Variants in TMEM150C observed in about 807,000 individuals in gnomAD.
The protein encoded by TMEM150C is transmembrane protein 150C, also known as tentonin 3.
In TMEM150C, 10 loss-of-function variants were observed where a neutral mutation model predicts 29.9. The observed-to-expected ratio is 0.33, with a 90% CI of 0.21 to 0.57. The LOEUF (loss-of-function observed/expected upper bound fraction) is 0.57, where lower values mean the gene tolerates loss of function less well. Ranked by LOEUF, TMEM150C falls within the 20% of genes least tolerant of loss-of-function variation. The pLI, the probability that TMEM150C is intolerant of heterozygous loss-of-function variation, is 0.88. For synonymous variants in TMEM150C, 101 were observed against 112.5 expected (o/e 0.90, Z 0.64); for missense variants, 251 against 303.6 (o/e 0.83, Z 1.29).
At chr4:82,499,173 A>G in intron 5 of TMEM150C, among the ~76,000 whole-genome samples, 1 of 152,198 alleles carries the variant, frequency 6.6e-6, no homozygotes, top group Non-Finnish European at 1.5e-5. Context: ...TCCATTTTCA[A>G]CCAAGTAGTG....
At chr4:82,556,463 A>T (rs139767388) in intron 1 of TMEM150C, among the ~76,000 whole-genome samples, 2,472 of 152,264 alleles carry the variant, frequency 0.016, 81 homozygotes, top group African/African-American at 0.057. Flanking sequence ...TGATTTTATG[A>T]CCCAAGACAT....
intron 1 of TMEM150C, among the ~76,000 whole-genome samples, chr4:82,530,734 G>A (rs889288576): frequency 6.6e-6 from 1 of 152,148 alleles, no homozygotes; most frequent in African/African-American, 2.4e-5. Flanking sequence ...ACCAGAGGCT[G>A]AGTAATTTAT....
At chr4:82,520,627 T>C (rs1724452500) in intron 1 of TMEM150C, among the ~76,000 whole-genome samples, 1 of 152,212 alleles carries the variant, frequency 6.6e-6, no homozygotes, top group Admixed American at 6.5e-5. Context: ...GGCATGGTAG[T>C]TCACGCCTGT....
At chr4:82,514,544 T>C (rs1724231459) in intron 1 of TMEM150C, among the ~76,000 whole-genome samples, 1 of 152,112 alleles carries the variant, frequency 6.6e-6, no homozygotes, top group Non-Finnish European at 1.5e-5. Flanking sequence ...AAGTGTGTTC[T>C]ATGTGTAGAA....
intron 1 of TMEM150C, among the ~76,000 whole-genome samples, chr4:82,553,158 A>G: frequency 6.6e-6 from 1 of 152,238 alleles, no homozygotes; most frequent in Non-Finnish European, 1.5e-5. Flanking sequence ...CACAGGTAAC[A>G]TGTAAACAAT....
chr4:82,545,756 C>T (rs1725361362), intron 1 of TMEM150C, among the ~76,000 whole-genome samples: 1 of 152,038 alleles, frequency 6.6e-6, no homozygotes, highest in Admixed American at 6.6e-5. Flanking sequence ...ATGGCAAAAC[C>T]CTGTCTCTAC....
chr4:82,500,542 C>A (rs1723704912), intron 5 of TMEM150C, among the ~76,000 whole-genome samples: 1 of 152,028 alleles, frequency 6.6e-6, no homozygotes, highest in African/African-American at 2.4e-5. Flanking sequence ...TGTTGTAATA[C>A]CTTCGAGCAA....
intron 1 of TMEM150C, among the ~76,000 whole-genome samples, chr4:82,559,012 C>T (rs536583370): frequency 6.6e-6 from 1 of 152,124 alleles, no homozygotes; most frequent in Non-Finnish European, 1.5e-5. Context: ...ATTTCCCCAC[C>T]CCTAAAAATG....
chr4:82,489,062 ATTTTTT>A (rs576894576), intron 7 of TMEM150C, among the ~76,000 whole-genome samples: 3 of 126,094 alleles, frequency 2.4e-5, no homozygotes, highest in Admixed American at 8.5e-5. Context: ...GGATTTTTAG[ATTTTTT>A]TTTTTTTTTT....
intron 1 of TMEM150C, among the ~76,000 whole-genome samples, chr4:82,553,500 A>C (rs1300471990): frequency 6.6e-6 from 1 of 152,194 alleles, no homozygotes; most frequent in Non-Finnish European, 1.5e-5. Context: ...AGACTCTAAG[A>C]AATAAATTGC....
chr4:82,536,165 C>G (rs1174578482), intron 1 of TMEM150C, among the ~76,000 whole-genome samples: 2 of 151,984 alleles, frequency 1.3e-5, no homozygotes, highest in East Asian at 3.9e-4. Context: ...TCGAGACCAT[C>G]TGGCCAACAT....
intron 1 of TMEM150C, among the ~76,000 whole-genome samples, chr4:82,518,632 AG>A (rs1032039660): frequency 6.6e-6 from 1 of 152,096 alleles, no homozygotes; most frequent in African/African-American, 2.4e-5. Context: ...GAGACATACG[AG>A]GGGTTTCTCT....
intron 1 of TMEM150C, among the ~76,000 whole-genome samples, chr4:82,552,110 C>T (rs938572196): frequency 1.3e-5 from 2 of 152,142 alleles, no homozygotes; most frequent in African/African-American, 2.4e-5. Flanking sequence ...CTGGCTCCCC[C>T]ACACCTTCCA....
intron 1 of TMEM150C, among the ~76,000 whole-genome samples, chr4:82,547,327 G>A (rs760950390): frequency 3.9e-5 from 6 of 152,096 alleles, no homozygotes; most frequent in South Asian, 2.1e-4. Flanking sequence ...AGTGGCTCAT[G>A]CCTGTAATAC....
At position 82,524,609 on chromosome 4, in the gene TMEM150C, A is replaced by G. The variant is rs1404795546; in HGVS notation, c.-10-19942T>C. Among the ~76,000 whole-genome samples, 4 of 152,342 alleles carry G rather than the reference A, an allele frequency of 2.6e-5. No homozygotes were observed. The East Asian group carries it at 7.7e-4, about 29-fold the overall frequency. On this transcript the variant is annotated intron_variant, in intron 1 of 7. Transcript: ENST00000449862. ...GGAGATTTTCATTCACTTGACAAGT[A>G]TTTACCCAGTGCCTTCCCTGGGTCA...
intron 7 of TMEM150C, 43 bp from the exon 8 acceptor site, chr4:82,485,762 T>C (rs750379031): frequency 2.0e-6 from 3 of 1,529,102 alleles, no homozygotes; most frequent in Non-Finnish European, 2.7e-6. Flanking sequence ...TCAGCCACAT[T>C]AAAACTGGAA....
intron 1 of TMEM150C, 42 bp from the exon 2 acceptor site, chr4:82,504,709 T>C: frequency 1.3e-6 from 2 of 1,505,666 alleles, no homozygotes; most frequent in Non-Finnish European, 1.8e-6. Flanking sequence ...AGGCAAAACA[T>C]TTACTTCACT....
chr4:82,516,244 C>T (rs1005104069), intron 1 of TMEM150C, among the ~76,000 whole-genome samples: 1 of 152,028 alleles, frequency 6.6e-6, no homozygotes, highest in African/African-American at 2.4e-5. Context: ...ACCATCAAGC[C>T]CCAAACACTA....
intron 1 of TMEM150C, among the ~76,000 whole-genome samples, chr4:82,528,128 C>T (rs1724714232): frequency 1.3e-5 from 2 of 152,258 alleles, no homozygotes; most frequent in Non-Finnish European, 2.9e-5. Context: ...ATATAATTGG[C>T]ATGAATAAAG....
Sources: allele counts gnomAD v4.1 joint callset (sites outside exome capture counted in the v4.1 genomes callset), GRCh38; gene constraint gnomAD v4.1.1; transcripts MANE v1.5; gene names NCBI Gene and HGNC (gene_info 2026-07-23, HGNC 2026-07-21).